The following ALDH1A2 variants were observed in gnomAD, a reference collection of about 807,000 sequenced individuals.
ALDH1A2 encodes aldehyde dehydrogenase 1 family member A2, also known as retinal dehydrogenase 2.
Under a neutral mutation model 60.3 loss-of-function variants are expected in ALDH1A2, and 27 were observed. That is an observed-to-expected ratio of 0.45 (90% confidence interval 0.33 to 0.62). The LOEUF (loss-of-function observed/expected upper bound fraction) is 0.62, where lower values mean the gene tolerates loss of function less well. Among genes scored for constraint, ALDH1A2 ranks in the 20% least tolerant of loss-of-function variants. The pLI is 0.02. For synonymous variants in ALDH1A2, 289 were observed against 232.4 expected (o/e 1.24, Z -2.21); for missense variants, 581 against 643.8 (o/e 0.90, Z 1.06).
At chr15:58,055,307 G>A (rs114679792) in intron 1 of ALDH1A2, among the ~76,000 whole-genome samples, 2,110 of 152,048 alleles carry the variant, frequency 0.014, 56 homozygotes, top group African/African-American at 0.047. Context: ...TATGTGAAAA[G>A]TACTCTGAAT....
At chr15:58,045,095 C>T (rs1336069271) in intron 1 of ALDH1A2, among the ~76,000 whole-genome samples, 1 of 151,988 alleles carries the variant, frequency 6.6e-6, no homozygotes, top group East Asian at 1.9e-4. Context: ...AGCATATGAA[C>T]AGAGACTTCT....
chr15:58,010,767 G>A lies in ALDH1A2; in HGVS notation c.375C>T (p.Ser125=). ...GCAGGAATGGTTTGCCACCATTTAG[G>A]GATTCCATGGTCTGTTGGAAGAGAA... The part of the protein sequence containing the change: ...RDRAVLATME[S]LNGGKPFLQA... Residue 125 remains serine, a synonymous_variant, in exon 4 of 13, where the codon TCC becomes TCT. Transcript: ENST00000249750. 6.2e-7 allele frequency: 1 copy of A among 1,613,224 alleles called. No homozygotes were observed. Among genetic ancestry groups the A allele is most frequent in the South Asian group, 1.1e-5 (1 of 91,060 alleles).
chr15:58,057,758 T>C lies in ALDH1A2; in HGVS notation c.117+7776A>G, dbSNP rs142858093. On this transcript the variant is annotated intron_variant, in intron 1 of 12. Transcript: ENST00000249750. ...ACCCAAATGGGAATCCTCTACCGCC[T>C]CTTCAGAGCAGGGGCCACACCTATA... Among the ~76,000 whole-genome samples the C allele has an allele frequency of 2.0e-3, 310 of 152,214 alleles. 2 individuals carry two copies. The highest frequency in any genetic ancestry group is 7.0e-3 in the African/African-American group (292 of 41,522).
At chr15:57,998,396 A>T (rs557882993) in intron 4 of ALDH1A2, among the ~76,000 whole-genome samples, 1 of 152,252 alleles carries the variant, frequency 6.6e-6, no homozygotes, top group South Asian at 2.1e-4. Flanking sequence ...AACCATTCCT[A>T]TACACCAACA....
At chr15:57,985,321 A>T (rs1894661012) in intron 7 of ALDH1A2, among the ~76,000 whole-genome samples, 1 of 152,104 alleles carries the variant, frequency 6.6e-6, no homozygotes, top group African/African-American at 2.4e-5. Context: ...CAGACCCTCA[A>T]ATCCCTCTTT....
chr15:57,982,491 TGAG>T (rs142030801), intron 7 of ALDH1A2, among the ~76,000 whole-genome samples: 3,465 of 152,344 alleles, frequency 0.023, 51 homozygotes, highest in Middle Eastern at 0.034. Flanking sequence ...AAGAAAGCAC[TGAG>T]GAGTACTTTG....
Position 58,026,366 on chromosome 15 carries a change from G to C in ALDH1A2, c.118-12085C>G, listed in dbSNP as rs188348428. On this transcript the variant is annotated intron_variant, in intron 1 of 12. Transcript: ENST00000249750. ...CTCAATAGATGCAGAAAAAGCATTT[G>C]ATAAAATCAACATCCCACTCCTATC... Among the ~76,000 whole-genome samples, 465 of 152,252 alleles carry C rather than the reference G, an allele frequency of 3.1e-3. 3 individuals carry two copies. Among genetic ancestry groups the C allele is most frequent in the African/African-American group, 0.011 (445 of 41,554 alleles).
At chr15:57,972,501 A>C (rs1894103860) in intron 7 of ALDH1A2, among the ~76,000 whole-genome samples, 1 of 152,180 alleles carries the variant, frequency 6.6e-6, no homozygotes, top group South Asian at 2.1e-4. Context: ...TGTCCCATTA[A>C]CTAGGTGAGC....
rs1893875490 is a variant in ALDH1A2, at chr15:57,965,792, A to G, written c.834T>C (p.Ser278=). Residue 278 remains serine (S), a synonymous_variant, in exon 8 of 13, where the codon AGT becomes AGC. Transcript: ENST00000249750. The stretch of plus-strand genomic sequence containing the variant: ...GTTCCAGAGTTACTCTCTTCAAATT[A>G]CTTCTTCCAGCTGCTTCTTGGATAA... ...GKLIQEAAGR[S]NLKRVTLELG... is the part of the protein sequence containing the mutation. The G allele has an allele frequency of 8.7e-6, 14 of 1,614,048 alleles. No individual in the cohort carries two copies. The highest frequency in any genetic ancestry group is 1.2e-5 in the Non-Finnish European group (14 of 1,180,000).
intron 7 of ALDH1A2, 38 bp downstream of exon 7, chr15:57,992,667 A>C (rs1243639118): frequency 1.3e-6 from 2 of 1,587,180 alleles, no homozygotes; most frequent in Non-Finnish European, 1.7e-6. Flanking sequence ...ACTCATTTGC[A>C]AGACTGTTCC....
chr15:57,989,986 C>T (rs1894839726), intron 7 of ALDH1A2, among the ~76,000 whole-genome samples: 2 of 48,244 alleles, frequency 4.1e-5, no homozygotes, highest in Non-Finnish European at 1.1e-4. Context: ...GGCGACAGAG[C>T]GAGACTCCGT....
chr15:58,028,443 A>T (rs1455520696), intron 1 of ALDH1A2, among the ~76,000 whole-genome samples: 1 of 152,212 alleles, frequency 6.6e-6, no homozygotes, highest in African/African-American at 2.4e-5. Flanking sequence ...CCACTGCAAA[A>T]AACATGCAAA....
intron 3 of ALDH1A2, chr15:58,012,222 T>C (rs1378624605): frequency 6.6e-6 from 1 of 152,142 alleles, no homozygotes; most frequent in African/African-American, 2.4e-5. Context: ...CTGGAGAAAT[T>C]AATTAATCAT....
At chr15:57,967,559 T>G (rs1389326029) in intron 7 of ALDH1A2, among the ~76,000 whole-genome samples, 1 of 152,152 alleles carries the variant, frequency 6.6e-6, no homozygotes, top group Non-Finnish European at 1.5e-5. Context: ...CCCCTCAGTC[T>G]CCAATATCAC....
chr15:57,968,305 C>A (rs760158379), intron 7 of ALDH1A2, among the ~76,000 whole-genome samples: 2 of 152,176 alleles, frequency 1.3e-5, no homozygotes, highest in Non-Finnish European at 2.9e-5. Context: ...AAAAACCCTA[C>A]ACAGTAGGTT....
At chr15:57,997,839 G>A (rs1595653910) in intron 4 of ALDH1A2, among the ~76,000 whole-genome samples, 1 of 151,908 alleles carries the variant, frequency 6.6e-6, no homozygotes, top group East Asian at 1.9e-4. Context: ...TTTAGCTACA[G>A]GCTAACACAG....
intron 1 of ALDH1A2, among the ~76,000 whole-genome samples, chr15:58,063,021 G>T (rs573328940): frequency 4.8e-4 from 73 of 152,250 alleles, no homozygotes; most frequent in African/African-American, 1.6e-3. Context: ...TATTAAAAAT[G>T]TGAAATACTT....
chr15:57,958,521 A>G (rs1431986429), intron 12 of ALDH1A2, among the ~76,000 whole-genome samples: 1 of 152,090 alleles, frequency 6.6e-6, no homozygotes, highest in Non-Finnish European at 1.5e-5. Context: ...CTGTGGGGAG[A>G]CCTCGTGGGC....
chr15:58,045,920 A>T (rs533855887), intron 1 of ALDH1A2, among the ~76,000 whole-genome samples: 142 of 152,204 alleles, frequency 9.3e-4, no homozygotes, highest in African/African-American at 3.4e-3. Flanking sequence ...GTACTTTATT[A>T]GAGACACTCC....
Sources: allele counts gnomAD v4.1 joint callset (sites outside exome capture counted in the v4.1 genomes callset), GRCh38; gene constraint gnomAD v4.1.1; transcripts MANE v1.5; gene names NCBI Gene and HGNC (gene_info 2026-07-23, HGNC 2026-07-21).